The following IMPG2 variants were observed in gnomAD, a reference collection of about 807,000 sequenced individuals.
The protein encoded by IMPG2 is IPM 200.
In IMPG2, 91 loss-of-function variants were observed where a neutral mutation model predicts 129.2. The ratio of observed to expected loss-of-function variants is 0.70; its 90% confidence interval spans 0.59 to 0.84. The LOEUF is 0.84. Ranked by LOEUF, IMPG2 falls within the 40% of genes least tolerant of loss-of-function variation. IMPG2 has a pLI of 0.00. For synonymous variants in IMPG2, 510 were observed against 517.7 expected, an observed-to-expected ratio of 0.99 and a Z score of 0.20; for missense variants, 1,430 against 1,461.7, an observed-to-expected ratio of 0.98 and a Z score of 0.35.
intron 2 of IMPG2, among the ~76,000 whole-genome samples, chr3:101,315,497 A>G (rs550919843): frequency 5.3e-5 from 8 of 152,254 alleles, no homozygotes; most frequent in Admixed American, 5.2e-4. Context: ...TTCGTGCACA[A>G]AATTATCAAA....
chr3:101,231,037 G>A lies in IMPG2; in HGVS notation c.3342C>T (p.Val1114=), dbSNP rs1200677404. Residue 1114 remains valine, a synonymous_variant, in exon 16 of 19, where the codon GTC becomes GTT. Coordinates refer to ENST00000193391, the MANE Select transcript of IMPG2 (RefSeq NM_016247.4). The stretch of plus-strand genomic sequence containing the variant: ...AGAAGTAGATGATAGCAGAAAAGAT[G>A]ACAAGAAGTCCAACCACGGAGGCAA... ...ITIASVVGLL[V]IFSAIIYFFI... 1 of 1,614,082 alleles carries A rather than the reference G, an allele frequency of 6.2e-7. No individual in the cohort carries two copies. Among genetic ancestry groups the A allele is most frequent in the Non-Finnish European group, 8.5e-7 (1 of 1,179,950 alleles).
At chr3:101,284,486 A>G (rs1706925177) in intron 4 of IMPG2, among the ~76,000 whole-genome samples, 1 of 152,216 alleles carries the variant, frequency 6.6e-6, no homozygotes, top group Non-Finnish European at 1.5e-5. Flanking sequence ...AATCCAATGA[A>G]TCAATATTTT....
intron 3 of IMPG2, among the ~76,000 whole-genome samples, chr3:101,291,783 T>C (rs1317597589): frequency 6.6e-6 from 1 of 152,184 alleles, no homozygotes; most frequent in East Asian, 1.9e-4. Flanking sequence ...CTGCCAATCA[T>C]CTTATGAACA....
At chr3:101,255,187 T>G (rs370842666) in intron 10 of IMPG2, among the ~76,000 whole-genome samples, 34 of 152,136 alleles carry the variant, frequency 2.2e-4, no homozygotes, top group African/African-American at 8.2e-4. Flanking sequence ...TCTTTTGAGA[T>G]AGTGATCAAG....
In IMPG2 at chr3:101,244,749, T is replaced by C. The variant is rs142710242; in HGVS notation, c.1582A>G (p.Ile528Val). ...NVEESEDFLSIDSLPSSSFTQ... is the reference protein window; with the variant it reads ...NVEESEDFLSVDSLPSSSFTQ... ...AATGAACTTGAAGGCAATGAATCAA[T>C]AGAAAGAAAATCTTCTGACTCTTCA... Residue 528 changes from isoleucine to valine, a missense_variant, in exon 13 of 19, where the codon ATT (isoleucine) becomes GTT (valine). Physicochemically the swap from Ile to Val is conservative, Grantham distance 29. Transcript: ENST00000193391. The C allele has an allele frequency of 9.1e-4, 1,465 of 1,614,050 alleles. 2 individuals carry two copies. The highest frequency in any genetic ancestry group is 3.9e-3 in the East Asian group (176 of 44,864).
chr3:101,288,897 C>T (rs752288796), intron 4 of IMPG2, among the ~76,000 whole-genome samples: 14 of 152,174 alleles, frequency 9.2e-5, no homozygotes, highest in South Asian at 8.3e-4. Context: ...TGCTACACTA[C>T]GAACACAAGT....
chr3:101,294,729 T>G (rs2107129444), intron 3 of IMPG2, among the ~76,000 whole-genome samples: 1 of 152,356 alleles, frequency 6.6e-6, no homozygotes, highest in East Asian at 1.9e-4. Context: ...AGCATTCCTA[T>G]TTCTCAACAG....
At chr3:101,305,254 G>A (rs1292919106) in intron 2 of IMPG2, among the ~76,000 whole-genome samples, 1 of 152,088 alleles carries the variant, frequency 6.6e-6, no homozygotes, top group Non-Finnish European at 1.5e-5. Flanking sequence ...ACTGCATACT[G>A]GTGATTCCAA....
rs1706707648 is a variant in IMPG2 at position 101,264,997 on chromosome 3, A to C, written c.908+2514T>G. 2.6e-5 allele frequency among the ~76,000 whole-genome samples: 4 copies of C among 152,160 alleles called. No homozygotes were observed. The South Asian group carries it at 8.3e-4, about 32-fold the overall frequency. ...AAAATAAATTTAACCAAGCAGGTGA[A>C]AGACCTCTGCAAGAAAAACTACAAA... is the stretch of plus-strand genomic sequence containing the variant. On this transcript the variant is annotated intron_variant, in intron 9 of 18. Coordinates refer to ENST00000193391, the MANE Select transcript of IMPG2 (RefSeq NM_016247.4).
intron 10 of IMPG2, among the ~76,000 whole-genome samples, chr3:101,257,085 T>C (rs1706618452): frequency 6.6e-6 from 1 of 152,058 alleles, no homozygotes; most frequent in African/African-American, 2.4e-5. Flanking sequence ...ATGGCAACCA[T>C]TATCACTTCT....
intron 2 of IMPG2, among the ~76,000 whole-genome samples, chr3:101,306,506 A>G (rs1707190845): frequency 6.6e-6 from 1 of 152,220 alleles, no homozygotes; most frequent in African/African-American, 2.4e-5. Context: ...TTTGTAGATC[A>G]TTGTTTTTCA....
At chr3:101,257,998 C>T (rs1706630428) in intron 9 of IMPG2, among the ~76,000 whole-genome samples, 1 of 152,036 alleles carries the variant, frequency 6.6e-6, no homozygotes, top group South Asian at 2.1e-4. Flanking sequence ...TCTAAGGAGG[C>T]CACAGAGGCA....
chr3:101,290,180 ATC>A lies in IMPG2; in HGVS notation c.533+1297_533+1298del, dbSNP rs1447856204. 3.3e-5 allele frequency among the ~76,000 whole-genome samples: 5 copies of A among 152,080 alleles called. No individual in the cohort carries two copies. In the East Asian group the frequency reaches 9.6e-4, roughly 29 times the overall value. On this transcript the variant is annotated intron_variant, in intron 4 of 18. Transcript: ENST00000193391. ...TCTGTTGCAATGGCAATCACAAGGA[ATC>A]TCTGAGCTCTGCCTCTCTGTGGTGA...
chr3:101,271,629 A>G (rs927276247), intron 7 of IMPG2, among the ~76,000 whole-genome samples: 1 of 152,224 alleles, frequency 6.6e-6, no homozygotes, highest in African/African-American at 2.4e-5. Flanking sequence ...ATTCAATCCC[A>G]GATCTCTCTA....
At chr3:101,236,263 T>G (rs1211835161) in intron 14 of IMPG2, among the ~76,000 whole-genome samples, 2 of 152,174 alleles carry the variant, frequency 1.3e-5, no homozygotes, top group Non-Finnish European at 2.9e-5. Context: ...TGAGGGAACA[T>G]AGATGCAGGT....
chr3:101,269,126 C>T (rs1706751339), intron 8 of IMPG2, among the ~76,000 whole-genome samples: 3 of 152,194 alleles, frequency 2.0e-5, no homozygotes, highest in Admixed American at 2.0e-4. Context: ...CTAATGCATC[C>T]CTTCCAGAGT....
chr3:101,242,519 T>C (rs1706420602), intron 14 of IMPG2, among the ~76,000 whole-genome samples, 169 bp downstream of exon 14: 1 of 152,230 alleles, frequency 6.6e-6, no homozygotes, highest in Admixed American at 6.5e-5. Flanking sequence ...ATGATATTGA[T>C]GTTCTTGGGA....
At chr3:101,290,877 C>T (rs1321013353) in intron 4 of IMPG2, among the ~76,000 whole-genome samples, 1 of 152,116 alleles carries the variant, frequency 6.6e-6, no homozygotes, top group Non-Finnish European at 1.5e-5. Context: ...TATATAACTA[C>T]CCACATGCTG....
intron 9 of IMPG2, among the ~76,000 whole-genome samples, chr3:101,258,152 T>C (rs1193553373): frequency 1.3e-5 from 2 of 152,094 alleles, no homozygotes; most frequent in African/African-American, 2.4e-5. Flanking sequence ...AAAAACAGTC[T>C]TTCTAATTCC....
Sources: allele counts gnomAD v4.1 joint callset (sites outside exome capture counted in the v4.1 genomes callset), GRCh38; gene constraint gnomAD v4.1.1; transcripts MANE v1.5; gene names NCBI Gene and HGNC (gene_info 2026-07-23, HGNC 2026-07-21).